KCNK2: variants seen among roughly 807,000 people sequenced by gnomAD.
KCNK2 encodes the protein potassium two pore domain channel subfamily K member 2, also known as potassium channel subfamily K member 2.
KCNK2 carries 21 observed loss-of-function variants against 40.5 expected under a neutral mutation model. That is an observed-to-expected ratio of 0.52 (90% CI 0.37 to 0.75). The LOEUF (loss-of-function observed/expected upper bound fraction) is 0.75. Ranked by LOEUF, KCNK2 falls within the 30% of genes least tolerant of loss-of-function variation. KCNK2 has a pLI of 0.00. For synonymous variants in KCNK2, 191 were observed against 202.2 expected (o/e 0.94, Z 0.47); for missense variants, 399 against 531.6 (o/e 0.75, Z 2.45).
chr1:215,213,257 A>G lies in KCNK2; in HGVS notation c.963+18165A>G, dbSNP rs185650952. On this transcript the variant is annotated intron_variant, in intron 6 of 6. Transcript: ENST00000444842. ...GGTTTTTTGAAAGGAGGCCTAATAA[A>G]AAATTGCCAACTAAAAGCACTCTTC... Among the ~76,000 whole-genome samples, 18 of 152,280 alleles carry G rather than the reference A, an allele frequency of 1.2e-4. No homozygotes were observed. The East Asian group carries it at 2.7e-3, about 23-fold the overall frequency.
chr1:215,090,142 G>A (rs1219515130), intron 2 of KCNK2, among the ~76,000 whole-genome samples: 1 of 152,048 alleles, frequency 6.6e-6, no homozygotes, highest in Non-Finnish European at 1.5e-5. Context: ...AATTTTAAGA[G>A]CCACGGATAC....
intron 6 of KCNK2, among the ~76,000 whole-genome samples, chr1:215,219,087 T>C (rs1666069361): frequency 6.6e-6 from 1 of 152,206 alleles, no homozygotes; most frequent in South Asian, 2.1e-4. Flanking sequence ...ATTAATTTAA[T>C]AGCTGTCATG....
intron 6 of KCNK2, among the ~76,000 whole-genome samples, chr1:215,229,109 T>A (rs1199311073): frequency 6.6e-6 from 1 of 152,144 alleles, no homozygotes; most frequent in East Asian, 1.9e-4. Flanking sequence ...GTGTATTTTA[T>A]GTGTGGCCTA....
intron 6 of KCNK2, among the ~76,000 whole-genome samples, chr1:215,201,622 T>C (rs1665083940): frequency 6.6e-6 from 1 of 152,172 alleles, no homozygotes; most frequent in Admixed American, 6.5e-5. Flanking sequence ...AAAAGTGCTA[T>C]TAAGTTCTTA....
At position 215,134,679 on chromosome 1, in the gene KCNK2, C is replaced by T. The variant is rs142306154; in HGVS notation, c.475+9929C>T. The stretch of plus-strand genomic sequence containing the variant: ...GCTTGTTTTTTTTCTGGTGACCAGC[C>T]GCCATCCTGAAGCTATCCAGGAACC... On this transcript the variant is annotated intron_variant, in intron 3 of 6. Transcript: ENST00000444842. Among the ~76,000 whole-genome samples the T allele has an allele frequency of 1.1e-3, 162 of 152,156 alleles. 1 individual carries two copies. Among genetic ancestry groups the T allele is most frequent in the African/African-American group, 3.6e-3 (149 of 41,520 alleles).
chr1:215,150,750 A>G (rs1662652066), intron 3 of KCNK2, among the ~76,000 whole-genome samples: 2 of 151,538 alleles, frequency 1.3e-5, no homozygotes, highest in South Asian at 2.1e-4. Flanking sequence ...TCATCTTCCA[A>G]TTTTCTTTAT....
At chr1:215,023,892 A>G (rs1391396229) in intron 1 of KCNK2, among the ~76,000 whole-genome samples, 1 of 152,164 alleles carries the variant, frequency 6.6e-6, no homozygotes, top group Admixed American at 6.5e-5. Flanking sequence ...TCTCCCCTCC[A>G]CTTCACCTTG....
At chr1:215,120,422 C>T (rs1451846368) in intron 2 of KCNK2, among the ~76,000 whole-genome samples, 36 of 152,158 alleles carry the variant, frequency 2.4e-4, no homozygotes, top group Non-Finnish European at 2.9e-5. Context: ...CCATATACAA[C>T]TGCTAAATAT....
At chr1:215,077,927 A>C (rs543626853), upstream of KCNK2, among the ~76,000 whole-genome samples, 43 of 152,268 alleles carry the variant, frequency 2.8e-4, no homozygotes, top group African/African-American at 9.9e-4. Flanking sequence ...GCACTCAGTA[A>C]ATATCTGATG....
At chr1:215,007,227 A>ATATATATATATATATATATG (rs1337347831) in intron 1 of KCNK2, among the ~76,000 whole-genome samples, 1 of 95,772 alleles carries the variant, frequency 1.0e-5, no homozygotes, top group African/African-American at 3.9e-5. Context: ...ATATATATAT[A>ATATATATATATATATATATG]GGCTCATTTC....
intron 1 of KCNK2, among the ~76,000 whole-genome samples, chr1:215,039,762 T>G (rs1217926105): frequency 6.6e-6 from 1 of 152,160 alleles, no homozygotes; most frequent in African/African-American, 2.4e-5. Context: ...ACTTGGATCT[T>G]TGCCATCGCA....
chr1:215,058,091 C>T (rs1306480613), intron 1 of KCNK2, among the ~76,000 whole-genome samples: 3 of 152,092 alleles, frequency 2.0e-5, no homozygotes, highest in Non-Finnish European at 4.4e-5. Flanking sequence ...AAAAGGAGAA[C>T]ATGAGAAATT....
intron 6 of KCNK2, among the ~76,000 whole-genome samples, chr1:215,219,940 C>T (rs1324063246): frequency 6.6e-6 from 1 of 152,176 alleles, no homozygotes; most frequent in East Asian, 1.9e-4. Flanking sequence ...ATGTTCCAGA[C>T]TCAACTTACA....
Position 215,007,173 on chromosome 1 carries a change from GTA to G in KCNK2, c.34+1220_34+1221del, listed in dbSNP as rs1451275644. 5.5e-4 allele frequency among the ~76,000 whole-genome samples: 42 copies of G among 76,842 alleles called. 3 individuals carry two copies. Among genetic ancestry groups the G allele is most frequent in the African/African-American group, 2.0e-3 (38 of 19,044 alleles). The allele number at this position is 76,842 out of a possible 152,430, so 50.4% of individuals were successfully genotyped here. A position where few individuals can be genotyped will look rare whatever the true frequency, so the allele number is the denominator to read the frequency against. ...TATATATATGTATGTATATATATAT[GTA>G]TGTGTGTGGGTATATATATATATAT... On this transcript the variant is annotated intron_variant, in intron 1 of 6. Transcript: ENST00000391895.
chr1:215,152,070 C>G (rs1662707333), intron 3 of KCNK2, among the ~76,000 whole-genome samples: 2 of 152,098 alleles, frequency 1.3e-5, no homozygotes, highest in Admixed American at 1.3e-4. Context: ...TTTAACTCCT[C>G]ACTCCTCATT....
At chr1:215,216,953 T>A (rs1186815117) in intron 6 of KCNK2, among the ~76,000 whole-genome samples, 1 of 152,178 alleles carries the variant, frequency 6.6e-6, no homozygotes, top group Non-Finnish European at 1.5e-5. Flanking sequence ...GTGCTAATGA[T>A]ATAGATTGTG....
In KCNK2 at chr1:215,203,842, T is replaced by G. The variant is rs574793681; in HGVS notation, c.963+8750T>G. Among the ~76,000 whole-genome samples the G allele has an allele frequency of 5.9e-5, 9 of 151,858 alleles. No individual in the cohort carries two copies. The South Asian group carries it at 1.9e-3, about 32-fold the overall frequency. On this transcript the variant is annotated intron_variant, in intron 6 of 6. Coordinates refer to ENST00000444842, the MANE Select transcript of KCNK2 (RefSeq NM_001017425.3). ...TCACAAGGTCAGGAGATCGAGACCA[T>G]CCTGGCAAACACCATGAAACCCCGT...
chr1:215,084,221 C>CTCTCTT (rs201844689), intron 1 of KCNK2, among the ~76,000 whole-genome samples: 6 of 145,958 alleles, frequency 4.1e-5, no homozygotes, highest in African/African-American at 1.5e-4. Context: ...CACACACACT[C>CTCTCTT]TTAAAAATAC....
chr1:215,111,874 A>T (rs1490585518), intron 2 of KCNK2, among the ~76,000 whole-genome samples: 1 of 142,388 alleles, frequency 7.0e-6, no homozygotes, highest in African/African-American at 2.9e-5. Flanking sequence ...GACTGGATTC[A>T]TGTGGGGAAA....
Sources: gnomAD v4.1 joint callset for allele counts (sites outside exome capture counted in the v4.1 genomes callset) on GRCh38, gnomAD v4.1.1 for gene constraint, MANE v1.5 for transcripts, NCBI Gene and HGNC (gene_info 2026-07-23, HGNC 2026-07-21) for gene names.